Variants in PHEX observed in about 807,000 individuals in gnomAD.
The protein encoded by PHEX is phosphate-regulating neutral endopeptidase PHEX.
PHEX carries 16 observed loss-of-function variants against 68.0 expected under a neutral mutation model. The observed-to-expected ratio is 0.24, with a 90% CI of 0.16 to 0.36. PHEX has a LOEUF of 0.36. Among genes scored for constraint, PHEX ranks in the 10% least tolerant of loss-of-function variants. The pLI is 1.00. For missense variants in PHEX, 480 were observed against 575.5 expected, an observed-to-expected ratio of 0.83 and a Z score of 1.70; for synonymous variants, 208 against 205.1, an observed-to-expected ratio of 1.01 and a Z score of -0.12.
At chrX:22,088,872 A>G (rs746452424) in intron 5 of PHEX, among the ~76,000 whole-genome samples, 1 of 111,614 alleles carries the variant, frequency 9.0e-6, no homozygotes, top group Non-Finnish European at 1.9e-5. Context: ...TCTTTGTCTA[A>G]CCCCTAGTAA....
intron 3 of PHEX, among the ~76,000 whole-genome samples, chrX:22,073,826 G>A (rs1929026191): frequency 1.8e-5 from 2 of 109,292 alleles, no homozygotes; most frequent in African/African-American, 6.7e-5. Context: ...TATTAGTAGA[G>A]GTGGGGTTTC....
At chrX:22,191,623 T>C (rs1484743489) in intron 15 of PHEX, among the ~76,000 whole-genome samples, 1 of 112,277 alleles carries the variant, frequency 8.9e-6, no homozygotes, top group Admixed American at 9.4e-5. Flanking sequence ...ACCTTAGGTC[T>C]ATTGATCAAA....
At chrX:22,077,799 A>C in intron 5 of PHEX, 97 bp downstream of exon 5, 2 of 617,029 alleles carry the variant, frequency 3.2e-6, no homozygotes, top group East Asian at 6.5e-5. Flanking sequence ...TTAGTGAAAT[A>C]ATAACATAAA....
intron 9 of PHEX, among the ~76,000 whole-genome samples, chrX:22,106,544 G>T (rs1347964189): frequency 9.0e-6 from 1 of 111,073 alleles, no homozygotes. Flanking sequence ...GCCGAGTTGG[G>T]CGGATTGCTT....
chrX:22,160,847 T>C (rs1933099161), intron 12 of PHEX, among the ~76,000 whole-genome samples: 1 of 111,211 alleles, frequency 9.0e-6, no homozygotes, highest in Admixed American at 9.6e-5. Flanking sequence ...ATTAATTGCA[T>C]TGGAAGCTGA....
intron 11 of PHEX, among the ~76,000 whole-genome samples, chrX:22,120,078 T>C (rs1309008974): frequency 9.0e-6 from 1 of 111,617 alleles, no homozygotes; most frequent in East Asian, 2.8e-4. Context: ...AATGTGGTGA[T>C]GATAATAACA....
rs774660173 is a variant in PHEX, at chrX:22,139,518, C to T, written c.1404+5894C>T. Reference sequence around the variant, plus strand: ...CGAGTTAAAGTCTCGCTCTGTTGCCCAGGCTGGAGTGCAGTGTTACAATCA... The same window carrying T: ...CGAGTTAAAGTCTCGCTCTGTTGCCTAGGCTGGAGTGCAGTGTTACAATCA... On this transcript the variant is annotated intron_variant, in intron 12 of 21. Coordinates refer to ENST00000379374, the MANE Select transcript of PHEX (RefSeq NM_000444.6). Among the ~76,000 whole-genome samples, 29 of 110,836 alleles carry T rather than the reference C, an allele frequency of 2.6e-4. 1 individual carries two copies. Among genetic ancestry groups the T allele is most frequent in the African/African-American group, 8.5e-4 (26 of 30,475 alleles).
chrX:22,109,044 G>A (rs751783936), intron 9 of PHEX, among the ~76,000 whole-genome samples: 4 of 111,469 alleles, frequency 3.6e-5, no homozygotes, highest in Non-Finnish European at 7.5e-5. Context: ...TAGACAAGTG[G>A]CTTAAAAATT....
At chrX:22,131,844 C>T (rs867368285) in intron 11 of PHEX, among the ~76,000 whole-genome samples, 2 of 111,189 alleles carry the variant, frequency 1.8e-5, no homozygotes, top group Non-Finnish European at 3.8e-5. Flanking sequence ...CAAAGCATCT[C>T]TGCAGGAGAA....
At chrX:22,128,119 C>A (rs965904248) in intron 11 of PHEX, among the ~76,000 whole-genome samples, 1 of 111,500 alleles carries the variant, frequency 9.0e-6, no homozygotes, top group Non-Finnish European at 1.9e-5. Flanking sequence ...AGTGCTGTGG[C>A]GCGATCTTGG....
chrX:22,245,217 T>C, intron 20 of PHEX, 116 bp from the exon 21 acceptor site: 1 of 591,549 alleles, frequency 1.7e-6, no homozygotes, highest in Non-Finnish European at 3.0e-6. Context: ...CTTCTAAAAC[T>C]GTTTGTCATC....
In PHEX at chrX:22,097,049, A is replaced by G. The variant is rs201958235; in HGVS notation, c.933+11A>G. ...GCTATGATTCCCCAGGTTGGTGAAA[A>G]CTATCCAGAAAACTTTCTCTCAACT... On this transcript the variant is annotated intron_variant, in intron 8 of 21. Transcript: ENST00000379374. The G allele has an allele frequency of 2.2e-5, 25 of 1,122,904 alleles. No individual in the cohort carries two copies. The East Asian group carries it at 7.5e-4, about 34-fold the overall frequency. The allele number at this position is 1,122,904 out of a possible 1,213,427, so 92.5% of individuals were successfully genotyped here.
chrX:22,036,967 C>T (rs372131236), intron 1 of PHEX, among the ~76,000 whole-genome samples: 3 of 107,364 alleles, frequency 2.8e-5, no homozygotes, highest in African/African-American at 1.0e-4. Context: ...GGCGTGGTGG[C>T]GGGTGCCTGT....
chrX:22,095,683 G>C (rs890446113), intron 7 of PHEX, among the ~76,000 whole-genome samples: 6 of 112,216 alleles, frequency 5.3e-5, no homozygotes, highest in African/African-American at 1.9e-4. Flanking sequence ...GGGAAGCTAA[G>C]GACACTGAAG....
intron 3 of PHEX, among the ~76,000 whole-genome samples, chrX:22,047,993 A>G (rs1927624212): frequency 9.1e-6 from 1 of 110,329 alleles, no homozygotes; most frequent in African/African-American, 3.3e-5. Context: ...TGTGAGTTAC[A>G]CCATGTAACT....
intron 4 of PHEX, among the ~76,000 whole-genome samples, chrX:22,076,828 C>T (rs1354221496): frequency 8.9e-6 from 1 of 112,078 alleles, no homozygotes; most frequent in Non-Finnish European, 1.9e-5. Context: ...AGTGCACCTA[C>T]TGGAGCCTAG....
intron 11 of PHEX, among the ~76,000 whole-genome samples, chrX:22,115,224 G>A (rs1223188209): frequency 2.7e-5 from 3 of 111,640 alleles, no homozygotes; most frequent in Non-Finnish European, 5.6e-5. Flanking sequence ...CCAGCTATTT[G>A]GGAGGCTGAG....
intron 1 of PHEX, among the ~76,000 whole-genome samples, chrX:22,035,426 A>C (rs1227976527): frequency 8.9e-6 from 1 of 112,661 alleles, no homozygotes; most frequent in Non-Finnish European, 1.9e-5. Context: ...CAACTACTCA[A>C]TTCTGCTGTT....
At chrX:22,059,984 T>G (rs1481714983) in intron 3 of PHEX, among the ~76,000 whole-genome samples, 1 of 110,845 alleles carries the variant, frequency 9.0e-6, no homozygotes, top group African/African-American at 3.3e-5. Flanking sequence ...GTGCTTATCA[T>G]GAAAGCAGGG....
Sources: allele counts gnomAD v4.1 joint callset (sites outside exome capture counted in the v4.1 genomes callset), GRCh38; gene constraint gnomAD v4.1.1; transcripts MANE v1.5; gene names NCBI Gene and HGNC (gene_info 2026-07-23, HGNC 2026-07-21).